Variants in LRRTM4 observed in about 807,000 individuals in gnomAD.
The protein encoded by LRRTM4 is leucine rich repeat transmembrane neuronal 4.
Under a neutral mutation model 47.6 loss-of-function variants are expected in LRRTM4, and 25 were observed. That is an observed-to-expected ratio of 0.53 (90% CI 0.38 to 0.73). The LOEUF is 0.73. Ranked by LOEUF, LRRTM4 falls within the 30% of genes least tolerant of loss-of-function variation. The probability of loss-of-function intolerance (pLI) is 0.00; values close to 1 mark genes in which losing one functional copy is unlikely to be tolerated. For missense variants in LRRTM4, 638 were observed against 713.4 expected (o/e 0.89, Z 1.20); for synonymous variants, 311 against 269.5 (o/e 1.15, Z -1.51).
rs1029789448 is a variant in LRRTM4 at position 76,973,402 on chromosome 2, C to A, written c.1552-224486G>T. On this transcript the variant is annotated intron_variant, in intron 3 of 3. Transcript: ENST00000409884. ...TTCTTATATGGGGGAAATATTTTCT[C>A]AGAAATGTCAGCTATCTGCTGCATA... Among the ~76,000 whole-genome samples the A allele has an allele frequency of 2.6e-5, 4 of 151,894 alleles. No homozygotes were observed. In the South Asian group the frequency reaches 8.3e-4, roughly 31 times the overall value.
chr2:77,118,363 G>A (rs971446710), intron 3 of LRRTM4, among the ~76,000 whole-genome samples: 2 of 151,774 alleles, frequency 1.3e-5, no homozygotes, highest in Non-Finnish European at 3.0e-5. Context: ...TTTCACAAAG[G>A]AAAATGATAT....
chr2:77,308,306 A>G (rs1677348476), intron 3 of LRRTM4, among the ~76,000 whole-genome samples: 1 of 151,738 alleles, frequency 6.6e-6, no homozygotes, highest in Admixed American at 6.6e-5. Flanking sequence ...CAAAAATTGA[A>G]AGATACTAAT....
intron 3 of LRRTM4, among the ~76,000 whole-genome samples, chr2:77,004,298 C>A (rs1432342341): frequency 6.6e-6 from 1 of 152,152 alleles, no homozygotes; most frequent in Non-Finnish European, 1.5e-5. Context: ...GTCCAGGGAC[C>A]CCTGCTGTGT....
intron 3 of LRRTM4, among the ~76,000 whole-genome samples, chr2:77,197,737 T>C (rs1673869017): frequency 6.6e-6 from 1 of 152,202 alleles, no homozygotes. Context: ...ATAGTGAGGA[T>C]ATCTTATGCC....
chr2:76,854,728 T>C (rs541438905), intron 3 of LRRTM4, among the ~76,000 whole-genome samples: 1 of 152,242 alleles, frequency 6.6e-6, no homozygotes, highest in South Asian at 2.1e-4. Context: ...TTTTTAAAAA[T>C]ACTTAACTAA....
rs971494385 is a variant in LRRTM4, at chr2:77,404,480, T to G, written c.1551+113838A>C. 7.2e-5 allele frequency among the ~76,000 whole-genome samples: 11 copies of G among 151,990 alleles called. 1 individual carries two copies. The highest frequency in any genetic ancestry group is 2.1e-4 in the South Asian group (1 of 4,830). On this transcript the variant is annotated intron_variant, in intron 3 of 3. Transcript: ENST00000409884. ...CTGTTGGGCACTACATTTCAGAAAATGACACACTTAAATCTTTCAAGAACA... is the reference window on the plus strand; with the variant it reads ...CTGTTGGGCACTACATTTCAGAAAAGGACACACTTAAATCTTTCAAGAACA...
chr2:77,174,598 C>T (rs1476524993), intron 3 of LRRTM4, among the ~76,000 whole-genome samples: 1 of 151,984 alleles, frequency 6.6e-6, no homozygotes, highest in Non-Finnish European at 1.5e-5. Flanking sequence ...CTGGAGGGCC[C>T]TTTAAGATTG....
chr2:77,223,116 T>C (rs142123682), intron 3 of LRRTM4, among the ~76,000 whole-genome samples: 215 of 152,174 alleles, frequency 1.4e-3, no homozygotes, highest in African/African-American at 5.0e-3. Flanking sequence ...ACCACACAAT[T>C]ATACCAATAG....
chr2:76,765,531 G>C (rs573914012), intron 3 of LRRTM4, among the ~76,000 whole-genome samples: 147 of 152,146 alleles, frequency 9.7e-4, no homozygotes, highest in Non-Finnish European at 1.7e-3. Context: ...TTGGAAAACT[G>C]ATCCACTAGA....
intron 3 of LRRTM4, among the ~76,000 whole-genome samples, chr2:77,411,357 G>T (rs1222367807): frequency 6.6e-6 from 1 of 151,836 alleles, no homozygotes; most frequent in Admixed American, 6.6e-5. Context: ...AGTATTGGAT[G>T]CCGGGGTCTT....
chr2:76,822,485 A>T (rs1343018740), intron 3 of LRRTM4, among the ~76,000 whole-genome samples: 3 of 151,448 alleles, frequency 2.0e-5, no homozygotes, highest in Non-Finnish European at 4.4e-5. Context: ...CAATAAAAGA[A>T]ATAATAGAAA....
intron 3 of LRRTM4, among the ~76,000 whole-genome samples, chr2:77,151,599 A>C (rs2103786007): frequency 6.6e-6 from 1 of 152,342 alleles, no homozygotes; most frequent in African/African-American, 2.4e-5. Flanking sequence ...ATTCAGCCTT[A>C]AAGAGGAAAA....
chr2:77,437,948 A>T (rs1284527605), intron 3 of LRRTM4, among the ~76,000 whole-genome samples: 1 of 152,166 alleles, frequency 6.6e-6, no homozygotes, highest in African/African-American at 2.4e-5. Flanking sequence ...CCTATCTATC[A>T]CAAGATTATT....
intron 3 of LRRTM4, among the ~76,000 whole-genome samples, chr2:77,207,656 A>G (rs905029182): frequency 3.3e-5 from 5 of 151,678 alleles, no homozygotes; most frequent in African/African-American, 1.2e-4. Context: ...GCCTATAACA[A>G]TCACTGACAA....
intron 3 of LRRTM4, among the ~76,000 whole-genome samples, chr2:77,039,038 G>T (rs1678937187): frequency 1.3e-5 from 2 of 151,040 alleles, no homozygotes; most frequent in South Asian, 2.1e-4. Flanking sequence ...TAAGAAAATG[G>T]AACAAGGCTA....
At chr2:77,386,699 A>G (rs913109285) in intron 3 of LRRTM4, among the ~76,000 whole-genome samples, 26 of 152,230 alleles carry the variant, frequency 1.7e-4, no homozygotes, top group Non-Finnish European at 1.8e-4. Context: ...AGAAAACCAA[A>G]CACCGCATGT....
At chr2:77,062,313 T>C (rs914689292) in intron 3 of LRRTM4, among the ~76,000 whole-genome samples, 3 of 152,184 alleles carry the variant, frequency 2.0e-5, no homozygotes, top group South Asian at 2.1e-4. Flanking sequence ...TCAAAAAGCA[T>C]ATGTCAGGGA....
intron 3 of LRRTM4, among the ~76,000 whole-genome samples, chr2:77,262,921 C>T (rs1675957703): frequency 6.6e-6 from 1 of 152,014 alleles, no homozygotes; most frequent in Non-Finnish European, 1.5e-5. Flanking sequence ...TTCAACCATA[C>T]TAGAGTTTAT....
chr2:77,035,501 C>A (rs972353515), intron 3 of LRRTM4, among the ~76,000 whole-genome samples: 8 of 151,834 alleles, frequency 5.3e-5, no homozygotes, highest in Non-Finnish European at 1.0e-4. Flanking sequence ...AACAGTTTAT[C>A]ATTTCTATAA....
Sources: gnomAD v4.1 joint callset for allele counts (sites outside exome capture counted in the v4.1 genomes callset) on GRCh38, gnomAD v4.1.1 for gene constraint, MANE v1.5 for transcripts, NCBI Gene and HGNC (gene_info 2026-07-23, HGNC 2026-07-21) for gene names.